The following CLVS1 variants were observed in gnomAD, a reference collection of about 807,000 sequenced individuals.
The protein encoded by CLVS1 is clavesin 1.
CLVS1 carries 10 observed loss-of-function variants against 33.1 expected under a neutral mutation model. That is an observed-to-expected ratio of 0.30 (90% confidence interval 0.19 to 0.51). The LOEUF (loss-of-function observed/expected upper bound fraction) is 0.51. CLVS1 is among the 20% of genes least tolerant of loss of function. CLVS1 has a pLI of 0.97. For synonymous variants in CLVS1, 163 were observed against 166.1 expected (o/e 0.98, Z 0.14); for missense variants, 343 against 433.4 (o/e 0.79, Z 1.85).
chr8:61,415,304 C>T (rs1162827819), intron 3 of CLVS1, among the ~76,000 whole-genome samples: 1 of 152,214 alleles, frequency 6.6e-6, no homozygotes, highest in African/African-American at 2.4e-5. Context: ...CCCAGCATAG[C>T]CCCATGCTAG....
intron 3 of CLVS1, 84 bp downstream of exon 3, chr8:61,376,863 C>A: frequency 1.6e-6 from 2 of 1,278,092 alleles, no homozygotes; most frequent in East Asian, 2.5e-5. Flanking sequence ...AATATTTATC[C>A]TTTGGAGTGG....
chr8:61,122,761 T>G (rs10086280), intron 1 of CLVS1, among the ~76,000 whole-genome samples: 54,554 of 151,928 alleles, frequency 0.36, 10,870 homozygotes, highest in East Asian at 0.82. Context: ...CAGGTGTGGA[T>G]AATACCAAAA....
At chr8:61,056,947 G>A (rs1360371826), upstream of CLVS1, among the ~76,000 whole-genome samples, 2 of 152,228 alleles carry the variant, frequency 1.3e-5, no homozygotes, top group East Asian at 3.9e-4. Context: ...TGTCAGAATG[G>A]TGGTGCCTCT....
At chr8:61,042,018 T>A in the CLVS1 span, among the ~76,000 whole-genome samples, 9 of 152,234 alleles carry the variant, frequency 5.9e-5, no homozygotes, top group Admixed American at 4.6e-4. Flanking sequence ...CTCTGCAAAT[T>A]AAGAGTTTTG....
the CLVS1 span, among the ~76,000 whole-genome samples, chr8:60,993,100 G>A: frequency 6.6e-6 from 1 of 152,268 alleles, no homozygotes; most frequent in Non-Finnish European, 1.5e-5. Context: ...CTGGAAAACA[G>A]TGGGGCTTGT....
At chr8:61,127,141 T>C (rs1439627961) in intron 1 of CLVS1, among the ~76,000 whole-genome samples, 1 of 152,158 alleles carries the variant, frequency 6.6e-6, no homozygotes, top group African/African-American at 2.4e-5. Flanking sequence ...TTGTCATTCT[T>C]AGTTTTTAAC....
At chr8:61,270,993 GT>G (rs1298505181) in intron 2 of CLVS1, among the ~76,000 whole-genome samples, 1 of 150,114 alleles carries the variant, frequency 6.7e-6, no homozygotes, top group African/African-American at 2.5e-5. Context: ...TTTTTGAAGG[GT>G]TTTTTGTGTC....
At chr8:61,091,676 A>G (rs1805252671) in intron 1 of CLVS1, among the ~76,000 whole-genome samples, 1 of 152,234 alleles carries the variant, frequency 6.6e-6, no homozygotes. Flanking sequence ...AGCAGATACT[A>G]CCTGGATTAT....
At chr8:61,407,337 A>G (rs890688739) in intron 3 of CLVS1, among the ~76,000 whole-genome samples, 4 of 152,254 alleles carry the variant, frequency 2.6e-5, no homozygotes, top group African/African-American at 9.6e-5. Context: ...ATTTCTAAAA[A>G]GGGATGTTAA....
At chr8:61,190,008 C>A (rs1416359365) in intron 2 of CLVS1, among the ~76,000 whole-genome samples, 4 of 152,192 alleles carry the variant, frequency 2.6e-5, no homozygotes, top group East Asian at 3.8e-4. Context: ...GAACTCAGCT[C>A]TGCACCAAGC....
At chr8:61,014,815 T>A in the CLVS1 span, among the ~76,000 whole-genome samples, 3 of 152,262 alleles carry the variant, frequency 2.0e-5, no homozygotes, top group African/African-American at 2.4e-5. Flanking sequence ...GCAAAACAAC[T>A]GCAAAATAAT....
chr8:61,373,508 G>T (rs574801493), intron 2 of CLVS1, among the ~76,000 whole-genome samples: 8 of 152,154 alleles, frequency 5.3e-5, no homozygotes, highest in Non-Finnish European at 1.0e-4. Context: ...TCTTGGAGTG[G>T]GTAAGTGTGG....
At chr8:61,423,410 TTA>T (rs1201419721) in intron 3 of CLVS1, among the ~76,000 whole-genome samples, 2 of 152,180 alleles carry the variant, frequency 1.3e-5, no homozygotes, top group Non-Finnish European at 2.9e-5. Context: ...AAACAAATCA[TTA>T]TGACTTTCAC....
chr8:61,056,999 C>T (rs34734931), upstream of CLVS1, among the ~76,000 whole-genome samples: 1 of 152,150 alleles, frequency 6.6e-6, no homozygotes, highest in African/African-American at 2.4e-5. Context: ...ACAGACTCCA[C>T]GAAGACCCAA....
intron 2 of CLVS1, among the ~76,000 whole-genome samples, chr8:61,184,278 T>C (rs1469480567): frequency 6.6e-6 from 1 of 152,030 alleles, no homozygotes; most frequent in Non-Finnish European, 1.5e-5. Flanking sequence ...GAGTCTAGGG[T>C]AAGAGGATGG....
intron 2 of CLVS1, among the ~76,000 whole-genome samples, chr8:61,212,091 G>A (rs1048000304): frequency 6.6e-6 from 1 of 152,166 alleles, no homozygotes; most frequent in African/African-American, 2.4e-5. Context: ...TAATAAATTC[G>A]TGTTGTTTTA....
intron 2 of CLVS1, among the ~76,000 whole-genome samples, chr8:61,201,294 T>C (rs1355321189): frequency 6.6e-6 from 1 of 152,160 alleles, no homozygotes; most frequent in Non-Finnish European, 1.5e-5. Context: ...AACTTAGTGA[T>C]AGCAACACAG....
At chr8:61,435,339 T>C (rs1405374493) in intron 3 of CLVS1, among the ~76,000 whole-genome samples, 1 of 152,164 alleles carries the variant, frequency 6.6e-6, no homozygotes, top group African/African-American at 2.4e-5. Flanking sequence ...TCTGCTTCCT[T>C]CTCTTTGGAG....
At chr8:61,395,077 G>A (rs970920439) in intron 3 of CLVS1, among the ~76,000 whole-genome samples, 1 of 152,098 alleles carries the variant, frequency 6.6e-6, no homozygotes, top group Non-Finnish European at 1.5e-5. Context: ...TTAGATACAG[G>A]CCTCTTATCA....
Sources: gnomAD v4.1 joint callset for allele counts (sites outside exome capture counted in the v4.1 genomes callset) on GRCh38, gnomAD v4.1.1 for gene constraint, MANE v1.5 for transcripts, NCBI Gene and HGNC (gene_info 2026-07-23, HGNC 2026-07-21) for gene names.